SAXO1: variants seen among roughly 807,000 people sequenced by gnomAD.
SAXO1 encodes 4930500O09Rik.
SAXO1 carries 21 observed loss-of-function variants against 17.5 expected under a neutral mutation model. That is an observed-to-expected ratio of 1.20 (90% CI 0.85 to 1.72). The LOEUF is 1.72. Ranked by LOEUF, SAXO1 falls within the 40% of genes most tolerant of loss-of-function variation. The probability of loss-of-function intolerance (pLI) is 0.00; values close to 1 mark genes in which losing one functional copy is unlikely to be tolerated. For synonymous variants in SAXO1, 274 were observed against 216.5 expected (o/e 1.27, Z -2.33); for missense variants, 843 against 596.0 (o/e 1.41, Z -4.32).
chr9:18,952,870 C>T (rs975236178), intron 1 of SAXO1, among the ~76,000 whole-genome samples: 2 of 152,104 alleles, frequency 1.3e-5, no homozygotes, highest in Admixed American at 1.3e-4. Flanking sequence ...CTATTTTATA[C>T]CCCTTTAATA....
Position 18,928,340 on chromosome 9 carries a change from C to A in SAXO1, c.1137G>T (p.Val379=). ...TTTTGGTATTGATAGGCAGGTGGGG[C>A]ACATAGTGGGCCCGAGTGGTGGTCA... The part of the protein sequence containing the change: ...DCLTTTRAHY[V]PHLPINTKSC... Residue 379 remains valine, a synonymous_variant, in exon 4 of 4, where the codon GTG becomes GTT. Coordinates refer to ENST00000380534, the MANE Select transcript of SAXO1 (RefSeq NM_153707.4). 6.2e-7 allele frequency: 1 copy of A among 1,612,932 alleles called. No individual in the cohort carries two copies. Among genetic ancestry groups the A allele is most frequent in the Non-Finnish European group, 8.5e-7 (1 of 1,179,688 alleles).
chr9:19,023,597 T>C (rs1835340947), intron 1 of SAXO1, among the ~76,000 whole-genome samples: 1 of 152,186 alleles, frequency 6.6e-6, no homozygotes, highest in African/African-American at 2.4e-5. Context: ...ACTCTGCCAC[T>C]TCTCGTAGTC....
chr9:18,989,159 T>G (rs556218214), intron 1 of SAXO1, among the ~76,000 whole-genome samples: 1 of 152,318 alleles, frequency 6.6e-6, no homozygotes, highest in East Asian at 1.9e-4. Context: ...CTCCTTTTAA[T>G]GGCATCATCT....
At chr9:19,004,658 T>A (rs985022616) in intron 1 of SAXO1, among the ~76,000 whole-genome samples, 12 of 151,374 alleles carry the variant, frequency 7.9e-5, no homozygotes, top group African/African-American at 2.9e-4. Flanking sequence ...CAAGTGGGAG[T>A]TGAACAATGA....
upstream of SAXO1, among the ~76,000 whole-genome samples, chr9:19,036,619 G>T (rs1835947321): frequency 6.6e-6 from 1 of 152,164 alleles, no homozygotes; most frequent in Non-Finnish European, 1.5e-5. Flanking sequence ...GCTTCCGCAT[G>T]GTGTTAAGCC....
chr9:18,996,470 G>A (rs144946216), intron 1 of SAXO1, among the ~76,000 whole-genome samples: 17 of 152,316 alleles, frequency 1.1e-4, no homozygotes, highest in South Asian at 1.0e-3. Flanking sequence ...ACTGATTACT[G>A]TAGGCAATTA....
At position 19,032,274 on chromosome 9, in the gene SAXO1, G is replaced by A. The variant is rs78770041; in HGVS notation, c.38+597C>T. On this transcript the variant is annotated intron_variant, in intron 1 of 3. Coordinates refer to ENST00000380534, the MANE Select transcript of SAXO1 (RefSeq NM_153707.4). Reference sequence around the variant, plus strand: ...CAGACCAGTCAGCCCGTGGGACTCTGACTAAAGTCCATGATTTCCCCCAGG... The same window carrying A: ...CAGACCAGTCAGCCCGTGGGACTCTAACTAAAGTCCATGATTTCCCCCAGG... Among the ~76,000 whole-genome samples, 1,051 of 152,300 alleles carry A rather than the reference G, an allele frequency of 6.9e-3. 10 individuals carry two copies. Among genetic ancestry groups the A allele is most frequent in the African/African-American group, 0.024 (1,006 of 41,562 alleles).
intron 3 of SAXO1, among the ~76,000 whole-genome samples, chr9:18,936,619 C>T (rs1238336222): frequency 4.6e-5 from 7 of 152,236 alleles, no homozygotes; most frequent in Non-Finnish European, 1.0e-4. Flanking sequence ...CCAAAAACCT[C>T]TACAGGACCC....
At chr9:19,023,787 G>A (rs1313672088) in intron 1 of SAXO1, among the ~76,000 whole-genome samples, 12 of 40,772 alleles carry the variant, frequency 2.9e-4, no homozygotes, top group Admixed American at 2.0e-3. Flanking sequence ...AAAGAAGGAA[G>A]GAAGGGAGGG....
At chr9:19,006,583 G>C (rs769748522) in intron 1 of SAXO1, among the ~76,000 whole-genome samples, 4 of 152,198 alleles carry the variant, frequency 2.6e-5, no homozygotes, top group Non-Finnish European at 4.4e-5. Flanking sequence ...CAGACAGTAA[G>C]TACAATAAAG....
intron 1 of SAXO1, among the ~76,000 whole-genome samples, chr9:19,000,942 T>A (rs1020232118): frequency 2.0e-5 from 3 of 151,628 alleles, no homozygotes; most frequent in African/African-American, 4.9e-5. Context: ...ATAAAGCAAG[T>A]TCTTAGAGAT....
rs373447744 is a variant in SAXO1, at chr9:18,968,020, G to A, written c.39-17083C>T. 1.1e-3 allele frequency among the ~76,000 whole-genome samples: 173 copies of A among 152,262 alleles called. 1 individual carries two copies. Among genetic ancestry groups the A allele is most frequent in the Middle Eastern group, 3.4e-3 (1 of 294 alleles). On this transcript the variant is annotated intron_variant, in intron 1 of 3. Coordinates refer to ENST00000380534, the MANE Select transcript of SAXO1 (RefSeq NM_153707.4). ...GTGAGGGAGTTCCCCAACCCCTTAC[G>A]CTTCCTGGGTGAGGCGACGCCCCAC...
At chr9:18,980,763 G>GAA (rs1491109358) in intron 1 of SAXO1, among the ~76,000 whole-genome samples, 1 of 130,264 alleles carries the variant, frequency 7.7e-6, no homozygotes, top group African/African-American at 3.0e-5. Flanking sequence ...GGGAGGAGAA[G>GAA]CATATTTTTA....
intron 1 of SAXO1, among the ~76,000 whole-genome samples, chr9:18,992,695 G>A (rs184602985): frequency 7.2e-5 from 11 of 152,162 alleles, no homozygotes; most frequent in South Asian, 2.1e-4. Flanking sequence ...GGAGACAGAC[G>A]TTGGCACATT....
intron 1 of SAXO1, among the ~76,000 whole-genome samples, chr9:19,029,697 A>T (rs1175470957): frequency 6.6e-6 from 1 of 152,198 alleles, no homozygotes; most frequent in African/African-American, 2.4e-5. Flanking sequence ...ATGTGCCGGT[A>T]TGGGAGTGAC....
intron 1 of SAXO1, among the ~76,000 whole-genome samples, chr9:19,001,777 C>T (rs1834281158): frequency 6.6e-6 from 1 of 151,966 alleles, no homozygotes; most frequent in African/African-American, 2.4e-5. Context: ...ACACTAAATG[C>T]CCATAAGAGA....
At chr9:18,933,893 C>A (rs922319611) in intron 3 of SAXO1, among the ~76,000 whole-genome samples, 8 of 152,120 alleles carry the variant, frequency 5.3e-5, no homozygotes, top group East Asian at 3.9e-4. Flanking sequence ...AAAAATACAA[C>A]AAATTAGCCA....
At chr9:18,974,296 G>A (rs1420230338) in intron 1 of SAXO1, among the ~76,000 whole-genome samples, 1 of 152,198 alleles carries the variant, frequency 6.6e-6, no homozygotes, top group East Asian at 1.9e-4. Context: ...ATGAACTGAT[G>A]GGTTTTTAAT....
intron 1 of SAXO1, among the ~76,000 whole-genome samples, chr9:19,045,621 C>T (rs147679831): frequency 5.1e-4 from 78 of 152,248 alleles, no homozygotes; most frequent in Non-Finnish European, 9.3e-4. Flanking sequence ...CACCCCATCC[C>T]AGTAGAAGAA....
Sources: allele counts gnomAD v4.1 joint callset (sites outside exome capture counted in the v4.1 genomes callset), GRCh38; gene constraint gnomAD v4.1.1; transcripts MANE v1.5; gene names NCBI Gene and HGNC (gene_info 2026-07-23, HGNC 2026-07-21).